The following OSBPL6 variants were observed in gnomAD, a reference collection of about 807,000 sequenced individuals.
The protein encoded by OSBPL6 is oxysterol-binding protein-related protein 6.
In OSBPL6, 49 loss-of-function variants were observed where a neutral mutation model predicts 125.8. The observed-to-expected ratio is 0.39, with a 90% confidence interval of 0.31 to 0.49. OSBPL6 has a LOEUF of 0.49. Ranked by LOEUF, OSBPL6 falls within the 20% of genes least tolerant of loss-of-function variation. OSBPL6 has a pLI of 0.88. For synonymous variants in OSBPL6, 394 were observed against 391.8 expected (o/e 1.01, Z -0.07); for missense variants, 986 against 1,135.4 (o/e 0.87, Z 1.89).
chr2:178,238,044 C>G (rs1488203490), intron 1 of OSBPL6, among the ~76,000 whole-genome samples: 3 of 152,218 alleles, frequency 2.0e-5, no homozygotes, highest in African/African-American at 7.2e-5. Flanking sequence ...CCTTGATTGT[C>G]TGCAACTTTT....
intron 1 of OSBPL6, among the ~76,000 whole-genome samples, chr2:178,201,640 G>A (rs55722360): frequency 0.04 from 6,112 of 152,228 alleles, 183 homozygotes; most frequent in South Asian, 0.09. Flanking sequence ...AAGTAATTTT[G>A]TAGATGAGGA....
chr2:178,352,047 C>A (rs549197015), intron 12 of OSBPL6, among the ~76,000 whole-genome samples: 2 of 152,240 alleles, frequency 1.3e-5, no homozygotes, highest in East Asian at 3.9e-4. Flanking sequence ...CAATATAATT[C>A]TTATCAAAAT....
At chr2:178,381,039 T>C (rs571403388) in intron 15 of OSBPL6, among the ~76,000 whole-genome samples, 103 of 152,296 alleles carry the variant, frequency 6.8e-4, no homozygotes, top group African/African-American at 2.4e-3. Context: ...TACTCTTACT[T>C]GTTTTCTAAT....
Position 178,383,141 on chromosome 2 carries a change from G to A in OSBPL6, c.1739G>A (p.Gly580Asp). ...NLWNILRNNI[G>D]KDLSKVSMPV... is the part of the protein sequence containing the mutation. ...TGGAATATCTTGAGGAACAACATTG[G>A]TAAAGACCTGTCTAAAGTCTCTATG... Residue 580 changes from glycine (G) to aspartate (D), a missense_variant, in exon 17 of 25, where the codon GGT (glycine) becomes GAT (aspartate). Transcript: ENST00000190611. 1.2e-6 allele frequency: 2 copies of A among 1,614,138 alleles called. No homozygotes were observed. Among genetic ancestry groups the A allele is most frequent in the Non-Finnish European group, 1.7e-6 (2 of 1,180,040 alleles).
chr2:178,343,821 A>T (rs894305337), intron 11 of OSBPL6, among the ~76,000 whole-genome samples: 1 of 152,094 alleles, frequency 6.6e-6, no homozygotes, highest in African/African-American at 2.4e-5. Context: ...GTAAGAAATT[A>T]AAAAAACAAA....
chr2:178,196,152 G>C (rs764723179), intron 1 of OSBPL6, among the ~76,000 whole-genome samples: 1 of 152,182 alleles, frequency 6.6e-6, no homozygotes, highest in Non-Finnish European at 1.5e-5. Flanking sequence ...GTAACTCTGA[G>C]AGTTAGCAGG....
intron 9 of OSBPL6, among the ~76,000 whole-genome samples, chr2:178,337,964 CG>C (rs1381623035): frequency 2.2e-5 from 2 of 91,732 alleles, no homozygotes; most frequent in Non-Finnish European, 4.9e-5. Context: ...TTTTTTGAGA[CG>C]GAGTCTTGCT....
Position 178,265,191 on chromosome 2 carries a change from C to CTTTTTTTT in OSBPL6, c.-350-19705_-350-19698dup, listed in dbSNP as rs376718500. ...GTCACTTCCCCTGGCCCAGACGAGA[C>CTTTTTTTT]TTTTTTTTTTTTTTTTTTTTTTTTT... On this transcript the variant is annotated intron_variant, in intron 1 of 24. Coordinates refer to ENST00000190611, the MANE Select transcript of OSBPL6 (RefSeq NM_032523.4). Among the ~76,000 whole-genome samples, 60 of 33,726 alleles carry CTTTTTTTT rather than the reference C, an allele frequency of 1.8e-3. 20 individuals are homozygous for CTTTTTTTT. Among genetic ancestry groups the CTTTTTTTT allele is most frequent in the Non-Finnish European group, 3.0e-3 (45 of 15,222 alleles). The allele number at this position is 33,726 out of a possible 152,430, so 22.1% of individuals were successfully genotyped here.
intron 1 of OSBPL6, among the ~76,000 whole-genome samples, chr2:178,262,597 C>T (rs1280891692): frequency 1.3e-5 from 2 of 152,150 alleles, no homozygotes; most frequent in Admixed American, 6.5e-5. Context: ...TTGAAATAGA[C>T]ATCACTGAAA....
At chr2:178,374,427 A>G (rs1575005139) in intron 15 of OSBPL6, among the ~76,000 whole-genome samples, 2 of 152,214 alleles carry the variant, frequency 1.3e-5, no homozygotes, top group East Asian at 3.8e-4. Context: ...CATATTAGAT[A>G]TTTTTGCTAG....
intron 1 of OSBPL6, among the ~76,000 whole-genome samples, chr2:178,246,736 T>C (rs2091504735): frequency 6.6e-6 from 1 of 152,228 alleles, no homozygotes; most frequent in Non-Finnish European, 1.5e-5. Context: ...TTATTTACTG[T>C]GGCCTCATAA....
In OSBPL6 at chr2:178,226,779, C is replaced by T. The variant is rs955763861; in HGVS notation, c.-351+32105C>T. Among the ~76,000 whole-genome samples the T allele has an allele frequency of 6.6e-5, 10 of 152,164 alleles. No individual in the cohort carries two copies. The South Asian group carries it at 1.5e-3, about 22-fold the overall frequency. On this transcript the variant is annotated intron_variant, in intron 1 of 24. Transcript: ENST00000190611. ...TAAGACTTTTAGACTTGGATAGAAA[C>T]GGATTTCCTTAGTTTTCTTTAAGAC...
intron 2 of OSBPL6, among the ~76,000 whole-genome samples, chr2:178,304,707 T>A (rs562830391): frequency 5.3e-5 from 8 of 152,186 alleles, no homozygotes; most frequent in Admixed American, 1.3e-4. Flanking sequence ...ACACATGAAT[T>A]TTGGTGCACA....
intron 3 of OSBPL6, among the ~76,000 whole-genome samples, chr2:178,313,088 G>A (rs186007816): frequency 2.0e-5 from 3 of 152,002 alleles, no homozygotes; most frequent in African/African-American, 7.2e-5. Flanking sequence ...TGGAGACAGG[G>A]TTTCACCATG....
intron 3 of OSBPL6, among the ~76,000 whole-genome samples, chr2:178,318,809 G>C (rs1416543260): frequency 6.6e-6 from 1 of 152,238 alleles, no homozygotes; most frequent in Non-Finnish European, 1.5e-5. Flanking sequence ...CCAGGTGTCA[G>C]ACACCAGCAA....
chr2:178,310,530 G>A (rs546953497), intron 3 of OSBPL6, among the ~76,000 whole-genome samples: 37 of 140,048 alleles, frequency 2.6e-4, no homozygotes, highest in Admixed American at 8.7e-4. Context: ...CCATTCTCCC[G>A]CCTCAGCCTC....
chr2:178,364,441 C>T (rs1692626526), intron 13 of OSBPL6, among the ~76,000 whole-genome samples: 1 of 152,142 alleles, frequency 6.6e-6, no homozygotes, highest in Non-Finnish European at 1.5e-5. Flanking sequence ...ATAGCTTGTA[C>T]ATTTGAGATA....
At chr2:178,200,113 C>T (rs894493253) in intron 1 of OSBPL6, among the ~76,000 whole-genome samples, 2 of 152,116 alleles carry the variant, frequency 1.3e-5, no homozygotes, top group Non-Finnish European at 2.9e-5. Flanking sequence ...GATTAAAGCA[C>T]ATTTCTTTAA....
chr2:178,203,113 A>G (rs1043482165), intron 1 of OSBPL6, among the ~76,000 whole-genome samples: 1 of 152,054 alleles, frequency 6.6e-6, no homozygotes, highest in African/African-American at 2.4e-5. Flanking sequence ...GGCTATGTTC[A>G]TTTTTTAAAG....
Sources: allele counts gnomAD v4.1 joint callset (sites outside exome capture counted in the v4.1 genomes callset), GRCh38; gene constraint gnomAD v4.1.1; transcripts MANE v1.5; gene names NCBI Gene and HGNC (gene_info 2026-07-23, HGNC 2026-07-21).